Variants in CFAP61 observed in about 807,000 individuals in gnomAD.
CFAP61 encodes cilia- and flagella-associated protein 61.
In CFAP61, 107 loss-of-function variants were observed where a neutral mutation model predicts 135.6. The observed-to-expected ratio is 0.79, with a 90% confidence interval of 0.67 to 0.93. The LOEUF is 0.93. Ranked by LOEUF, CFAP61 falls within the 40% of genes least tolerant of loss-of-function variation. The probability of loss-of-function intolerance (pLI) is 0.00; values close to 1 mark genes in which losing one functional copy is unlikely to be tolerated. For missense variants in CFAP61, 1,507 were observed against 1,556.2 expected, an observed-to-expected ratio of 0.97 and a Z score of 0.53; for synonymous variants, 575 against 578.5, an observed-to-expected ratio of 0.99 and a Z score of 0.09.
At chr20:20,346,496 C>A (rs139628579) in intron 26 of CFAP61, among the ~76,000 whole-genome samples, 1 of 124,276 alleles carries the variant, frequency 8.0e-6, no homozygotes, top group African/African-American at 3.1e-5. Flanking sequence ...CCAGCCTGGG[C>A]GACAAGAGCA....
At chr20:20,128,733 T>C (rs1396377954) in intron 8 of CFAP61, among the ~76,000 whole-genome samples, 2 of 151,774 alleles carry the variant, frequency 1.3e-5, no homozygotes, top group Non-Finnish European at 2.9e-5. Context: ...AAACTATTGC[T>C]TACTTTTCTG....
At chr20:20,242,523 C>T (rs1386862318) in intron 18 of CFAP61, among the ~76,000 whole-genome samples, 4 of 152,246 alleles carry the variant, frequency 2.6e-5, no homozygotes, top group African/African-American at 9.6e-5. Context: ...CTAGGGCCAG[C>T]AGGCCTGGCT....
intron 12 of CFAP61, among the ~76,000 whole-genome samples, chr20:20,167,588 C>G (rs538883924): frequency 5.1e-4 from 77 of 152,270 alleles, no homozygotes; most frequent in Non-Finnish European, 1.0e-3. Context: ...TTGCTTCATC[C>G]TTAATCCTTC....
chr20:20,060,194 A>G (rs6046583), intron 2 of CFAP61, among the ~76,000 whole-genome samples: 6,411 of 152,278 alleles, frequency 0.042, 488 homozygotes, highest in African/African-American at 0.15. Flanking sequence ...GAGAAAAATA[A>G]CATCAATTTA....
Position 20,169,198 on chromosome 20 carries a change from T to C in CFAP61, c.1246-123T>C. On this transcript the variant is annotated intron_variant, in intron 12 of 26. Transcript: ENST00000245957. The stretch of plus-strand genomic sequence containing the variant: ...TTTTCCAAATTATAGGAAAGGTAAT[T>C]TGAATATCCTCTCCTTAATCAACAC... 4 of 873,150 alleles carry C rather than the reference T, an allele frequency of 4.6e-6. No individual in the cohort carries two copies. In the South Asian group the frequency reaches 6.7e-5, roughly 15 times the overall value. 54.1% of individuals were successfully genotyped at this position (873,150 alleles called of 1,614,324 possible).
chr20:20,132,154 T>C (rs1452267159), intron 8 of CFAP61, among the ~76,000 whole-genome samples: 2 of 152,236 alleles, frequency 1.3e-5, no homozygotes, highest in East Asian at 3.9e-4. Flanking sequence ...TTAGATACCT[T>C]ATAAAAGTGG....
intron 1 of CFAP61, chr20:20,056,119 T>A: frequency 6.3e-6 from 5 of 787,960 alleles, no homozygotes; most frequent in South Asian, 1.7e-5. Context: ...CTGGTGGCCC[T>A]TCAGGAAGCC....
chr20:20,106,031 T>C (rs1315700718), intron 8 of CFAP61, among the ~76,000 whole-genome samples: 52 of 117,044 alleles, frequency 4.4e-4, no homozygotes, highest in South Asian at 1.0e-3. Context: ...TATATATATA[T>C]ATATATATAT....
intron 15 of CFAP61, among the ~76,000 whole-genome samples, chr20:20,193,580 CTG>C (rs1160065733): frequency 6.6e-6 from 1 of 151,840 alleles, no homozygotes; most frequent in Non-Finnish European, 1.5e-5. Context: ...ACTCATTTGG[CTG>C]TGTGTAGAAT....
chr20:20,090,077 A>G (rs1216018433), intron 6 of CFAP61, among the ~76,000 whole-genome samples: 3 of 152,212 alleles, frequency 2.0e-5, no homozygotes, highest in East Asian at 3.8e-4. Flanking sequence ...TCGGGACAAT[A>G]TCATAGTGGT....
intron 1 of CFAP61, among the ~76,000 whole-genome samples, chr20:20,053,841 A>G (rs1008701921): frequency 1.3e-5 from 2 of 152,112 alleles, no homozygotes; most frequent in African/African-American, 4.8e-5. Context: ...TTTTCCTTAA[A>G]TGTGTTACTG....
At position 20,226,832 on chromosome 20, in the gene CFAP61, G is replaced by A. The variant is rs1040116978; in HGVS notation, c.1933-1417G>A. Among the ~76,000 whole-genome samples, 5 of 152,322 alleles carry A rather than the reference G, an allele frequency of 3.3e-5. No homozygotes were observed. The East Asian group carries it at 5.8e-4, about 18-fold the overall frequency. ...AGTGGGAGTATGCCACGTGGTTTAC[G>A]TGAATCAGAGTCCCTCTTGAAAATG... On this transcript the variant is annotated intron_variant, in intron 17 of 26. Coordinates refer to ENST00000245957, the MANE Select transcript of CFAP61 (RefSeq NM_015585.4).
At position 20,203,108 on chromosome 20, in the gene CFAP61, A is replaced by T. The variant is rs915229516; in HGVS notation, c.1932+3206A>T. On this transcript the variant is annotated intron_variant, in intron 17 of 26. Transcript: ENST00000245957. ...TAATTCCTGCCTGGTTTGGACGATC[A>T]GTGTCCCGGCCACAACACCTTCCCC... is the stretch of plus-strand genomic sequence containing the variant. Among the ~76,000 whole-genome samples, 5 of 152,278 alleles carry T rather than the reference A, an allele frequency of 3.3e-5. 1 individual carries two copies. Among genetic ancestry groups the T allele is most frequent in the Admixed American group, 3.3e-4 (5 of 15,298 alleles).
rs754952893 is a variant in CFAP61, at chr20:20,228,371, A to G, written c.2055A>G (p.Val685=). ...GAATTTCCTTCCTAGAGACATTGGT[A>G]TTTTGGTGAGTTGTTTCACTCTATT... The part of the protein sequence containing the change: ...SVGISFLETL[V]FCSHMKFNNL... Residue 685 remains valine, a synonymous_variant, in exon 18 of 27, where the codon GTA becomes GTG. Transcript: ENST00000245957. 4 of 1,605,544 alleles carry G rather than the reference A, an allele frequency of 2.5e-6. No homozygotes were observed. Among genetic ancestry groups the G allele is most frequent in the Non-Finnish European group, 2.6e-6 (3 of 1,173,176 alleles).
At position 20,290,310 on chromosome 20, in the gene CFAP61, T is replaced by G; in HGVS notation, c.3135T>G (p.Leu1045=). ...YKGAKIQGGI[L]PGSYHYLHIA... is the part of the protein sequence containing the mutation. Reference sequence around the variant, plus strand: ...TGCCATCTCTTCTAGGGGGCATTCTTCCTGGGTCTTACCATTATCTGCATA... The same window carrying G: ...TGCCATCTCTTCTAGGGGGCATTCTGCCTGGGTCTTACCATTATCTGCATA... The change falls in exon 24 of 27, where the codon CTT becomes CTG. Residue 1045 remains leucine (L), a synonymous_variant. Coordinates refer to ENST00000245957, the MANE Select transcript of CFAP61 (RefSeq NM_015585.4). 1 of 1,612,108 alleles carries G rather than the reference T, an allele frequency of 6.2e-7. No individual in the cohort carries two copies. The highest frequency in any genetic ancestry group is 8.5e-7 in the Non-Finnish European group (1 of 1,178,052).
At chr20:20,142,211 C>T (rs2051459003) in intron 8 of CFAP61, among the ~76,000 whole-genome samples, 1 of 152,094 alleles carries the variant, frequency 6.6e-6, no homozygotes, top group Non-Finnish European at 1.5e-5. Context: ...CCTAAGCTAC[C>T]CTGATTATTG....
At chr20:20,140,816 A>T (rs2051335880) in intron 8 of CFAP61, among the ~76,000 whole-genome samples, 1 of 152,168 alleles carries the variant, frequency 6.6e-6, no homozygotes, top group Non-Finnish European at 1.5e-5. Context: ...ACCAACCCAA[A>T]TGTCCAACAA....
At chr20:20,078,804 A>C (rs566579559) in intron 6 of CFAP61, among the ~76,000 whole-genome samples, 26 of 152,338 alleles carry the variant, frequency 1.7e-4, no homozygotes, top group African/African-American at 6.3e-4. Context: ...AAGCCATTAG[A>C]TTTGGCAATT....
chr20:20,175,282 A>C (rs1235915558), intron 13 of CFAP61, among the ~76,000 whole-genome samples: 1 of 152,170 alleles, frequency 6.6e-6, no homozygotes, highest in African/African-American at 2.4e-5. Flanking sequence ...ACTCAAGGAC[A>C]GTTCTTTCTT....
Sources: gnomAD v4.1 joint callset for allele counts (sites outside exome capture counted in the v4.1 genomes callset) on GRCh38, gnomAD v4.1.1 for gene constraint, MANE v1.5 for transcripts, NCBI Gene and HGNC (gene_info 2026-07-23, HGNC 2026-07-21) for gene names.